PEX5: variants seen among roughly 807,000 people sequenced by gnomAD.
The protein encoded by PEX5 is peroxisomal biogenesis factor 5.
In PEX5, 52 loss-of-function variants were observed where a neutral mutation model predicts 82.9. The observed-to-expected ratio is 0.63, with a 90% CI of 0.50 to 0.79. The LOEUF (loss-of-function observed/expected upper bound fraction) is 0.79. PEX5 is among the 30% of genes least tolerant of loss of function. The pLI, the probability that PEX5 is intolerant of heterozygous loss-of-function variation, is 0.00. For synonymous variants in PEX5, 300 were observed against 318.8 expected (o/e 0.94, Z 0.63); for missense variants, 719 against 815.2 (o/e 0.88, Z 1.44).
intron 4 of PEX5, 51 bp downstream of exon 4, chr12:7,191,409 C>A: frequency 6.2e-7 from 1 of 1,612,328 alleles, no homozygotes; most frequent in Middle Eastern, 1.7e-4. Flanking sequence ...GTAGCCAGGG[C>A]CAAGGAAGGG....
At chr12:7,204,574 T>G (rs1450037335) in intron 10 of PEX5, among the ~76,000 whole-genome samples, 2 of 152,228 alleles carry the variant, frequency 1.3e-5, no homozygotes, top group Non-Finnish European at 2.9e-5. Context: ...TTCACTAGAC[T>G]ATGAGTTCAT....
intron 7 of PEX5, 91 bp downstream of exon 7, chr12:7,201,932 AAGG>A (rs767934181): frequency 2.5e-5 from 24 of 946,012 alleles, no homozygotes; most frequent in Non-Finnish European, 3.9e-5. Context: ...GTTTAAAGAG[AAGG>A]AGAAGAGATC....
downstream of PEX5, among the ~76,000 whole-genome samples, chr12:7,214,873 T>A (rs1945735320): frequency 1.3e-5 from 2 of 152,072 alleles, no homozygotes; most frequent in African/African-American, 4.8e-5. Context: ...GATAATGATA[T>A]CAGTATTATA....
chr12:7,188,779 T>C (rs988404309), upstream of PEX5: 1 of 152,602 alleles, frequency 6.6e-6, no homozygotes, highest in African/African-American at 2.4e-5. Context: ...CTCTTCTCCA[T>C]GACACTAGGA....
chr12:7,215,885 A>G (rs1945762865), downstream of PEX5, among the ~76,000 whole-genome samples: 1 of 152,186 alleles, frequency 6.6e-6, no homozygotes, highest in South Asian at 2.1e-4. Context: ...ACCTGGAATA[A>G]AAGTCAAAAA....
chr12:7,203,391 T>C, intron 9 of PEX5, 41 bp from the exon 10 acceptor site: 2 of 1,589,198 alleles, frequency 1.3e-6, no homozygotes, highest in East Asian at 2.3e-5. Context: ...GGGGTGGTCA[T>C]GATGGATCTC....
At chr12:7,212,011 G>T (rs1340958425), downstream of PEX5, among the ~76,000 whole-genome samples, 2 of 149,552 alleles carry the variant, frequency 1.3e-5, no homozygotes, top group Admixed American at 6.7e-5. Flanking sequence ...TTTTGCCCAG[G>T]CTGGAGTGCA....
chr12:7,206,735 C>T (rs978729318), intron 10 of PEX5, among the ~76,000 whole-genome samples: 13 of 152,126 alleles, frequency 8.5e-5, no homozygotes, highest in African/African-American at 3.1e-4. Flanking sequence ...AAAAGGGCCT[C>T]ATGTCTTTAT....
chr12:7,202,217 C>A (rs981072330), intron 7 of PEX5, 24 bp from the exon 8 acceptor site: 6 of 1,613,866 alleles, frequency 3.7e-6, no homozygotes, highest in South Asian at 3.3e-5. Context: ...TCCCAAGTGG[C>A]CTGTGTGTGT....
intron 6 of PEX5, among the ~76,000 whole-genome samples, chr12:7,199,993 CCCGGACGGGGCGG>C (rs1374608652): frequency 4.7e-5 from 6 of 126,862 alleles, no homozygotes; most frequent in Admixed American, 1.6e-4. Context: ...CCGCCTCCCT[CCCGGACGGGGCGG>C]CTGGCCAGGC....
chr12:7,217,353 T>C (rs1176128908), intron 17 of PEX5, among the ~76,000 whole-genome samples: 1 of 152,256 alleles, frequency 6.6e-6, no homozygotes, highest in Non-Finnish European at 1.5e-5. Flanking sequence ...GACTATTCTG[T>C]GGATTGGCAA....
chr12:7,197,659 T>G lies in PEX5; in HGVS notation c.449-1352T>G, dbSNP rs146292091. Among the ~76,000 whole-genome samples the G allele has an allele frequency of 2.1e-3, 323 of 151,964 alleles. 2 individuals are homozygous for G. Among genetic ancestry groups the G allele is most frequent in the African/African-American group, 7.5e-3 (313 of 41,470 alleles). On this transcript the variant is annotated intron_variant, in intron 5 of 15. Coordinates refer to ENST00000675855, the MANE Select transcript of PEX5 (RefSeq NM_001351132.2). Reference sequence around the variant, plus strand: ...ACATTTCATGCTCAGATTTTGAGACTACTTTGTTGACATTATTCAGGCAAA... The same window carrying G: ...ACATTTCATGCTCAGATTTTGAGACGACTTTGTTGACATTATTCAGGCAAA...
chr12:7,189,777 G>A (rs977954501), intron 1 of PEX5, 27 bp downstream of exon 1: 9 of 143,552 alleles, frequency 6.3e-5, no homozygotes, highest in African/African-American at 2.5e-4. Context: ...GAGGGGGCCC[G>A]GGGCCGCGTC....
intron 5 of PEX5, among the ~76,000 whole-genome samples, chr12:7,194,939 G>A (rs1327249781): frequency 1.3e-5 from 2 of 152,188 alleles, no homozygotes; most frequent in African/African-American, 4.8e-5. Context: ...GTATTCATTG[G>A]TTTTCACCGC....
At chr12:7,197,373 GTCATATACAATGTAATAATT>G (rs1942844024) in intron 5 of PEX5, among the ~76,000 whole-genome samples, 4 of 138,688 alleles carry the variant, frequency 2.9e-5, no homozygotes, top group Non-Finnish European at 6.1e-5. Context: ...AATTATATAT[GTCATATACAATGTAATAATT>G]ATATATATGT....
In PEX5 at chr12:7,210,040, T is replaced by C. The variant is rs753159772; in HGVS notation, c.1737T>C (p.Phe579=). ...LGAHREAVEH[F]LEALNMQRKS... is the part of the protein sequence containing the mutation. ...CTTACAGGGAGGCTGTGGAGCACTT[T>C]CTGGAGGCCCTGAACATGCAGAGGA... is the stretch of plus-strand genomic sequence containing the variant. The change falls in exon 16 of 16, where the codon TTT becomes TTC. Residue 579 remains phenylalanine, a synonymous_variant. Coordinates refer to ENST00000675855, the MANE Select transcript of PEX5 (RefSeq NM_001351132.2). 3 of 1,614,090 alleles carry C rather than the reference T, an allele frequency of 1.9e-6. No homozygotes were observed. The East Asian group carries it at 6.7e-5, about 36-fold the overall frequency.
At chr12:7,196,458 CATATATAATGTAATAATT>C (rs1942292094) in intron 5 of PEX5, among the ~76,000 whole-genome samples, 1 of 134,010 alleles carries the variant, frequency 7.5e-6, no homozygotes, top group South Asian at 2.5e-4. Context: ...AATTATGTGT[CATATATAATGTAATAATT>C]ACATCATATA....
At position 7,207,586 on chromosome 12, in the gene PEX5, G is replaced by GTTGTCATCCTCACATCCCTGCTGT. The variant is rs1315902241; in HGVS notation, c.967-71_967-48dup. 9.0e-5 allele frequency: 136 copies of GTTGTCATCCTCACATCCCTGCTGT among 1,503,922 alleles called. 1 individual carries two copies. The highest frequency in any genetic ancestry group is 1.2e-4 in the Non-Finnish European group (133 of 1,080,078). 93.2% of individuals were successfully genotyped at this position (1,503,922 alleles called of 1,614,324 possible). ...AGGCCCTCAGCTTCTCTGCCTGCTG[G>GTTGTCATCCTCACATCCCTGCTGT]TTGTCATCCTCACATCCCTGCTGTT... On this transcript the variant is annotated intron_variant, in intron 10 of 15. Coordinates refer to ENST00000675855, the MANE Select transcript of PEX5 (RefSeq NM_001351132.2).
At chr12:7,202,411 T>G (rs1347232365) in intron 8 of PEX5, 60 bp downstream of exon 8, 1 of 1,598,558 alleles carries the variant, frequency 6.3e-7, no homozygotes, top group Non-Finnish European at 8.6e-7. Flanking sequence ...AGGCCATGGG[T>G]TCAGTGGTCA....
Sources: allele counts gnomAD v4.1 joint callset (sites outside exome capture counted in the v4.1 genomes callset), GRCh38; gene constraint gnomAD v4.1.1; transcripts MANE v1.5; gene names NCBI Gene and HGNC (gene_info 2026-07-23, HGNC 2026-07-21).